The following GNAT3 variants were observed in gnomAD, a reference collection of about 807,000 sequenced individuals.
GNAT3 encodes G protein subunit alpha transducin 3.
GNAT3 carries 31 observed loss-of-function variants against 37.7 expected under a neutral mutation model. The ratio of observed to expected loss-of-function variants is 0.82; its 90% confidence interval spans 0.62 to 1.11. The LOEUF (loss-of-function observed/expected upper bound fraction) is 1.11. GNAT3 is among the 50% of genes most tolerant of loss of function. The pLI, the probability that GNAT3 is intolerant of heterozygous loss-of-function variation, is 0.00. For synonymous variants in GNAT3, 138 were observed against 139.8 expected (o/e 0.99, Z 0.09); for missense variants, 437 against 412.5 (o/e 1.06, Z -0.51).
At chr7:80,461,187 T>C (rs73159417) in intron 7 of GNAT3, among the ~76,000 whole-genome samples, 43,887 of 151,956 alleles carry the variant, frequency 0.29, 7,104 homozygotes, top group East Asian at 0.6. Flanking sequence ...TAAAATGCCA[T>C]GGTCCTAGTA....
At chr7:80,497,574 A>G (rs562982312) in intron 1 of GNAT3, among the ~76,000 whole-genome samples, 13,347 of 134,678 alleles carry the variant, frequency 0.099, 1,412 homozygotes, top group African/African-American at 0.23. Context: ...ACGTATATAC[A>G]TATACGTATA....
intron 1 of GNAT3, among the ~76,000 whole-genome samples, chr7:80,497,189 C>T (rs1166756524): frequency 6.6e-6 from 1 of 152,124 alleles, no homozygotes; most frequent in Non-Finnish European, 1.5e-5. Context: ...TTACTAGAGG[C>T]TGCAATGCCC....
intron 1 of GNAT3, among the ~76,000 whole-genome samples, chr7:80,509,789 G>A (rs893882843): frequency 6.6e-6 from 1 of 151,954 alleles, no homozygotes. Context: ...CCAATTTTCA[G>A]TGATGTGTTT....
intron 7 of GNAT3, among the ~76,000 whole-genome samples, chr7:80,460,503 A>G (rs1025254023): frequency 3.3e-5 from 5 of 152,190 alleles, no homozygotes; most frequent in African/African-American, 1.2e-4. Context: ...CTGTAATCCT[A>G]ACACTTTGGG....
At chr7:80,485,873 C>G (rs1023070139) in intron 3 of GNAT3, among the ~76,000 whole-genome samples, 2 of 152,138 alleles carry the variant, frequency 1.3e-5, no homozygotes, top group Admixed American at 1.3e-4. Flanking sequence ...AAAGCCATAA[C>G]ATTCTGTGGA....
chr7:80,498,460 C>A (rs1054686171), intron 1 of GNAT3, among the ~76,000 whole-genome samples: 1 of 152,066 alleles, frequency 6.6e-6, no homozygotes, highest in Admixed American at 6.6e-5. Context: ...TGTAAAGGTC[C>A]AGTATAGTCA....
In GNAT3 at chr7:80,458,770, G is replaced by A. The variant is rs1054123151; in HGVS notation, c.966C>T (p.His322=). Reference sequence around the variant, plus strand: ...TTTGGGTGTCAGTAGCACAGGTCATGTGGGAATAAATTTCCTTATCTTCTT... The same window carrying A: ...TTTGGGTGTCAGTAGCACAGGTCATATGGGAATAAATTTCCTTATCTTCTT... ...LKKEDKEIYS[H]MTCATDTQNV... Residue 322 remains histidine (H), a synonymous_variant, in exon 8 of 8, where the codon CAC becomes CAT. Coordinates refer to ENST00000398291, the MANE Select transcript of GNAT3 (RefSeq NM_001102386.3). 6.3e-7 allele frequency: 1 copy of A among 1,598,280 alleles called. No homozygotes were observed. The highest frequency in any genetic ancestry group is 8.5e-7 in the Non-Finnish European group (1 of 1,170,532).
At chr7:80,464,236 G>A (rs1790098156) in intron 5 of GNAT3, among the ~76,000 whole-genome samples, 1 of 152,026 alleles carries the variant, frequency 6.6e-6, no homozygotes, top group Admixed American at 6.6e-5. Flanking sequence ...TATCCATATA[G>A]GAAGTGTAGG....
intron 6 of GNAT3, 28 bp from the exon 7 acceptor site, chr7:80,462,340 T>A (rs763273469): frequency 2.5e-6 from 4 of 1,601,698 alleles, no homozygotes; most frequent in Non-Finnish European, 3.4e-6. Context: ...TGAGAATGGG[T>A]AGGATTATTA....
At position 80,475,988 on chromosome 7, in the gene GNAT3, T is replaced by C. The variant is rs570738571; in HGVS notation, c.462-1609A>G. 2.0e-5 allele frequency among the ~76,000 whole-genome samples: 3 copies of C among 152,264 alleles called. No individual in the cohort carries two copies. In the East Asian group the frequency reaches 5.8e-4, roughly 29 times the overall value. On this transcript the variant is annotated intron_variant, in intron 4 of 7. Coordinates refer to ENST00000398291, the MANE Select transcript of GNAT3 (RefSeq NM_001102386.3). ...ATTTGCTAGTGTATTTATTTTCTAT[T>C]TTGGCAAGCAAATCCCTTTGTGAAT...
intron 1 of GNAT3, among the ~76,000 whole-genome samples, chr7:80,505,014 A>G (rs1790905327): frequency 1.3e-5 from 2 of 152,218 alleles, no homozygotes; most frequent in African/African-American, 4.8e-5. Context: ...ATTCTACAAC[A>G]TCTGGGAATG....
chr7:80,458,990 G>T, intron 7 of GNAT3, 129 bp from the exon 8 acceptor site: 1 of 636,098 alleles, frequency 1.6e-6, no homozygotes, highest in Non-Finnish European at 2.6e-6. Context: ...TAAAGGCAAC[G>T]GTCAATTATC....
intron 4 of GNAT3, among the ~76,000 whole-genome samples, chr7:80,477,803 T>G (rs1021876893): frequency 6.6e-6 from 1 of 152,202 alleles, no homozygotes; most frequent in African/African-American, 2.4e-5. Flanking sequence ...TTCACACATA[T>G]GCATGAACAG....
intron 4 of GNAT3, among the ~76,000 whole-genome samples, 155 bp from the exon 5 acceptor site, chr7:80,474,534 AT>A (rs1158399352): frequency 1.3e-5 from 2 of 152,144 alleles, no homozygotes; most frequent in East Asian, 3.8e-4. Flanking sequence ...GTAGAAATGA[AT>A]TTTTAGCGTA....
chr7:80,495,875 C>G (rs1026211556), intron 1 of GNAT3, among the ~76,000 whole-genome samples: 1 of 152,070 alleles, frequency 6.6e-6, no homozygotes, highest in African/African-American at 2.4e-5. Context: ...TGTTCATGTC[C>G]TTTGCCCACT....
chr7:80,471,974 T>C (rs1418682662), intron 5 of GNAT3, among the ~76,000 whole-genome samples: 1 of 152,028 alleles, frequency 6.6e-6, no homozygotes, highest in Non-Finnish European at 1.5e-5. Flanking sequence ...AAAAATTACC[T>C]TCATTCTTAC....
chr7:80,499,836 A>C (rs1041374975), intron 1 of GNAT3, among the ~76,000 whole-genome samples: 16 of 152,188 alleles, frequency 1.1e-4, no homozygotes, highest in African/African-American at 3.9e-4. Flanking sequence ...TCTCACTGAA[A>C]GTCAGTTTCC....
intron 5 of GNAT3, among the ~76,000 whole-genome samples, chr7:80,464,170 AT>A (rs200356080): frequency 0.28 from 42,246 of 151,300 alleles, 6,684 homozygotes; most frequent in East Asian, 0.59. Flanking sequence ...GATATCCTAT[AT>A]GGATATCTGA....
intron 3 of GNAT3, among the ~76,000 whole-genome samples, chr7:80,483,786 C>A (rs958778913): frequency 6.6e-6 from 1 of 152,064 alleles, no homozygotes; most frequent in African/African-American, 2.4e-5. Flanking sequence ...CCAATACCAC[C>A]TCCTCAATGA....
Sources: allele counts gnomAD v4.1 joint callset (sites outside exome capture counted in the v4.1 genomes callset), GRCh38; gene constraint gnomAD v4.1.1; transcripts MANE v1.5; gene names NCBI Gene and HGNC (gene_info 2026-07-23, HGNC 2026-07-21).